IL1RAPL1: variants seen among roughly 807,000 people sequenced by gnomAD.
The protein encoded by IL1RAPL1 is interleukin 1 receptor accessory protein like 1, also known as interleukin-1 receptor accessory protein-like 1.
IL1RAPL1 carries 3 observed loss-of-function variants against 48.4 expected under a neutral mutation model. The ratio of observed to expected loss-of-function variants is 0.06; its 90% confidence interval spans 0.03 to 0.16. The LOEUF (loss-of-function observed/expected upper bound fraction) is 0.16, where lower values mean the gene tolerates loss of function less well. Ranked by LOEUF, IL1RAPL1 falls within the 10% of genes least tolerant of loss-of-function variation. The pLI, the probability that IL1RAPL1 is intolerant of heterozygous loss-of-function variation, is 1.00. For synonymous variants in IL1RAPL1, 185 were observed against 187.7 expected, an observed-to-expected ratio of 0.99 and a Z score of 0.12; for missense variants, 349 against 530.6, an observed-to-expected ratio of 0.66 and a Z score of 3.36.
At chrX:28,795,880 G>A (rs1171680010) in intron 2 of IL1RAPL1, among the ~76,000 whole-genome samples, 1 of 110,888 alleles carries the variant, frequency 9.0e-6, no homozygotes, top group Admixed American at 9.6e-5. Context: ...GAGAAATGAT[G>A]TTCGTATTAT....
chrX:28,812,387 T>A (rs775951761), intron 2 of IL1RAPL1, among the ~76,000 whole-genome samples: 1 of 111,107 alleles, frequency 9.0e-6, no homozygotes, highest in South Asian at 3.7e-4. Flanking sequence ...TATGTAATTT[T>A]GGGTAAATTT....
chrX:29,665,673 A>G (rs1318850603), intron 5 of IL1RAPL1, among the ~76,000 whole-genome samples: 1 of 112,116 alleles, frequency 8.9e-6, no homozygotes. Flanking sequence ...CATTTTGCCA[A>G]TGTGTCAAAT....
chrX:29,366,600 G>A (rs1406383553), intron 3 of IL1RAPL1, among the ~76,000 whole-genome samples: 1 of 72,971 alleles, frequency 1.4e-5, no homozygotes, highest in Non-Finnish European at 2.3e-5. Flanking sequence ...ACAGAGTCTC[G>A]CTCTGTCGCC....
At chrX:28,903,471 C>T (rs746856714) in intron 2 of IL1RAPL1, among the ~76,000 whole-genome samples, 23 of 107,713 alleles carry the variant, frequency 2.1e-4, no homozygotes, top group South Asian at 1.3e-3. Context: ...CCACCATGCC[C>T]GGCCCAGTCA....
In IL1RAPL1 at chrX:29,647,510, T is replaced by C. The variant is rs1388719032; in HGVS notation, c.704-20920T>C. Among the ~76,000 whole-genome samples the C allele has an allele frequency of 2.7e-5, 3 of 111,576 alleles. No homozygotes were observed. The East Asian group carries it at 8.3e-4, about 31-fold the overall frequency. ...AGATGTAAATTGTGACATCAAAAATTCAAAATATGAGTGTGTGTGGAGTTA... is the reference window on the plus strand; with the variant it reads ...AGATGTAAATTGTGACATCAAAAATCCAAAATATGAGTGTGTGTGGAGTTA... On this transcript the variant is annotated intron_variant, in intron 5 of 10. Transcript: ENST00000378993.
intron 3 of IL1RAPL1, among the ~76,000 whole-genome samples, chrX:29,337,872 A>G (rs1445798681): frequency 9.1e-6 from 1 of 110,380 alleles, no homozygotes; most frequent in East Asian, 2.8e-4. Flanking sequence ...ACAGAGTTTC[A>G]CCATGTTGGC....
At chrX:29,503,213 C>T (rs1337397414) in intron 5 of IL1RAPL1, among the ~76,000 whole-genome samples, 1 of 111,001 alleles carries the variant, frequency 9.0e-6, no homozygotes, top group East Asian at 2.8e-4. Context: ...AAAGGTTTGT[C>T]AATTTTGTTT....
intron 2 of IL1RAPL1, among the ~76,000 whole-genome samples, chrX:29,091,002 A>G (rs1241412138): frequency 8.9e-6 from 1 of 112,286 alleles, no homozygotes; most frequent in Non-Finnish European, 1.9e-5. Flanking sequence ...TGTATGATGC[A>G]ACAATGCCAT....
intron 5 of IL1RAPL1, among the ~76,000 whole-genome samples, chrX:29,423,476 GA>G (rs1324734837): frequency 1.8e-5 from 2 of 111,861 alleles, no homozygotes; most frequent in Non-Finnish European, 3.8e-5. Context: ...GTTTACAACT[GA>G]AAACAATATA....
At chrX:29,599,991 C>T (rs1923667688) in intron 5 of IL1RAPL1, among the ~76,000 whole-genome samples, 1 of 112,207 alleles carries the variant, frequency 8.9e-6, no homozygotes, top group Non-Finnish European at 1.9e-5. Context: ...ACTTAACAAT[C>T]GACCTGAATT....
Position 29,005,054 on chromosome X carries a change from A to G in IL1RAPL1, c.82+215629A>G, listed in dbSNP as rs950802292. Among the ~76,000 whole-genome samples the G allele has an allele frequency of 4.5e-5, 5 of 111,843 alleles. No individual in the cohort carries two copies. In the Admixed American group the frequency reaches 4.8e-4, roughly 11 times the overall value. On this transcript the variant is annotated intron_variant, in intron 2 of 10. Transcript: ENST00000378993. The stretch of plus-strand genomic sequence containing the variant: ...ATAGTGCATTGAACTATGAATTAAT[A>G]TGGTCTGTCTGAAATCAATGGAATT...
intron 5 of IL1RAPL1, among the ~76,000 whole-genome samples, chrX:29,648,046 A>T (rs1925390946): frequency 8.9e-6 from 1 of 112,229 alleles, no homozygotes; most frequent in South Asian, 3.7e-4. Context: ...AGCTATGAAA[A>T]GAGACAAAGT....
chrX:29,596,379 A>G lies in IL1RAPL1; in HGVS notation c.704-72051A>G, dbSNP rs752018636. On this transcript the variant is annotated intron_variant, in intron 5 of 10. Transcript: ENST00000378993. ...ATCCATGAGCATAGTATGTGTTTCT[A>G]TTTGTTTGTATCATCTATGATTTCT... 1.4e-4 allele frequency among the ~76,000 whole-genome samples: 16 copies of G among 111,936 alleles called. No homozygotes were observed. The South Asian group carries it at 3.3e-3, about 23-fold the overall frequency.
At chrX:28,907,319 A>G (rs1473147980) in intron 2 of IL1RAPL1, among the ~76,000 whole-genome samples, 3 of 111,948 alleles carry the variant, frequency 2.7e-5, no homozygotes, top group Non-Finnish European at 5.6e-5. Flanking sequence ...CAATGGCACG[A>G]TCTTGGCTCA....
intron 6 of IL1RAPL1, among the ~76,000 whole-genome samples, chrX:29,893,841 T>G (rs773347528): frequency 8.9e-6 from 1 of 111,733 alleles, no homozygotes; most frequent in East Asian, 2.8e-4. Context: ...CTCATCCGTA[T>G]GCCTCTACCA....
At chrX:29,761,651 T>C in intron 6 of IL1RAPL1, among the ~76,000 whole-genome samples, 1 of 111,798 alleles carries the variant, frequency 8.9e-6, no homozygotes, top group Middle Eastern at 4.6e-3. Flanking sequence ...TGTGAAACAC[T>C]TAGAACATTG....
At chrX:29,736,312 C>A (rs756691599) in intron 6 of IL1RAPL1, among the ~76,000 whole-genome samples, 1 of 112,041 alleles carries the variant, frequency 8.9e-6, no homozygotes, top group African/African-American at 3.2e-5. Context: ...ATGTCTTGAG[C>A]CCAGGATTTC....
chrX:29,258,363 G>T lies in IL1RAPL1; in HGVS notation c.83-24575G>T, dbSNP rs1037398054. Among the ~76,000 whole-genome samples, 6 of 111,406 alleles carry T rather than the reference G, an allele frequency of 5.4e-5. No individual in the cohort carries two copies. In the East Asian group the frequency reaches 1.7e-3, roughly 31 times the overall value. On this transcript the variant is annotated intron_variant, in intron 2 of 10. Transcript: ENST00000378993. ...AATTTTCACGTCACAAAAAAACAAG[G>T]TTAAAACTTTACACCAGGAATTAAC...
intron 1 of IL1RAPL1, among the ~76,000 whole-genome samples, chrX:28,645,529 C>T (rs1297123531): frequency 1.8e-5 from 2 of 109,843 alleles, no homozygotes; most frequent in East Asian, 5.7e-4. Context: ...CAGATCAAAG[C>T]TTGGATTTTA....
Sources: gnomAD v4.1 joint callset for allele counts (sites outside exome capture counted in the v4.1 genomes callset) on GRCh38, gnomAD v4.1.1 for gene constraint, MANE v1.5 for transcripts, NCBI Gene and HGNC (gene_info 2026-07-23, HGNC 2026-07-21) for gene names.